SMG6: variants seen among roughly 807,000 people sequenced by gnomAD.
The protein encoded by SMG6 is SMG6 nonsense mediated mRNA decay factor.
Under a neutral mutation model 142.2 loss-of-function variants are expected in SMG6, and 66 were observed. The observed-to-expected ratio is 0.46, with a 90% CI of 0.38 to 0.57. The LOEUF is 0.57. Among genes scored for constraint, SMG6 ranks in the 20% least tolerant of loss-of-function variants. The pLI is 0.00. For missense variants in SMG6, 1,793 were observed against 1,832.0 expected, an observed-to-expected ratio of 0.98 and a Z score of 0.39; for synonymous variants, 779 against 702.4, an observed-to-expected ratio of 1.11 and a Z score of -1.72.
intron 13 of SMG6, among the ~76,000 whole-genome samples, chr17:2,131,492 G>A (rs1036747343): frequency 2.0e-5 from 3 of 152,068 alleles, no homozygotes; most frequent in Non-Finnish European, 4.4e-5. Context: ...TAGAGACTGG[G>A]TTTCACTATA....
intron 8 of SMG6, 55 bp from the exon 9 acceptor site, chr17:2,244,774 T>C: frequency 6.9e-7 from 1 of 1,458,328 alleles, no homozygotes; most frequent in Non-Finnish European, 9.6e-7. Flanking sequence ...AGTTTCCTGT[T>C]ACTGAACAGA....
chr17:2,154,252 G>A (rs1010802005), intron 13 of SMG6, among the ~76,000 whole-genome samples: 1 of 149,264 alleles, frequency 6.7e-6, no homozygotes, highest in Non-Finnish European at 1.5e-5. Context: ...TGCATCTAGA[G>A]TGTGACGGTG....
chr17:2,249,147 C>T (rs1177150152), intron 8 of SMG6, among the ~76,000 whole-genome samples: 2 of 152,060 alleles, frequency 1.3e-5, no homozygotes, highest in Non-Finnish European at 2.9e-5. Flanking sequence ...CCCGCCTTGG[C>T]CTCCCAAAGT....
At chr17:2,084,208 G>A (rs992440550) in intron 14 of SMG6, among the ~76,000 whole-genome samples, 2 of 152,264 alleles carry the variant, frequency 1.3e-5, no homozygotes, top group Non-Finnish European at 2.9e-5. Context: ...GCCTGAAAGT[G>A]CGGGTGAAAG....
chr17:2,200,541 CT>C (rs916088842), intron 10 of SMG6, among the ~76,000 whole-genome samples: 85 of 146,304 alleles, frequency 5.8e-4, no homozygotes, highest in African/African-American at 2.0e-3. Flanking sequence ...AAAAAAAAAA[CT>C]TTTTGTAGAG....
Position 2,172,792 on chromosome 17 carries a change from C to T in SMG6, c.3223G>A (p.Glu1075Lys). ...CNILTAVNQS[E>K]VPLYKDPDDD... The stretch of plus-strand genomic sequence containing the variant: ...TCCGGGTCCTTGTACAGTGGCACCT[C>T]AGACTGATTCACTGCAGTCAGTATG... The change falls in exon 13 of 19, where the codon GAG (glutamate) becomes AAG (lysine). Residue 1075 changes from glutamate to lysine, a missense_variant. Glu to Lys is a moderately conservative substitution (Grantham distance 56). This residue lies in a region of SMG6 where 1,597 missense variants were observed against 1,584.6 expected (regional missense o/e 1.01). Coordinates refer to ENST00000263073, the MANE Select transcript of SMG6 (RefSeq NM_017575.5). 1 of 1,614,156 alleles carries T rather than the reference C, an allele frequency of 6.2e-7. No homozygotes were observed. The highest frequency in any genetic ancestry group is 8.5e-7 in the Non-Finnish European group (1 of 1,180,028).
At chr17:2,227,538 G>A (rs2073352958) in intron 10 of SMG6, among the ~76,000 whole-genome samples, 1 of 152,146 alleles carries the variant, frequency 6.6e-6, no homozygotes, top group Non-Finnish European at 1.5e-5. Context: ...TCTAACATAC[G>A]GTGACAGAAA....
At chr17:2,231,342 C>G (rs2073486974) in intron 10 of SMG6, among the ~76,000 whole-genome samples, 1 of 152,178 alleles carries the variant, frequency 6.6e-6, no homozygotes, top group Non-Finnish European at 1.5e-5. Context: ...CTCTCTCCCT[C>G]TGGAGACCCA....
chr17:2,247,378 C>A (rs2151306468), intron 8 of SMG6, among the ~76,000 whole-genome samples: 1 of 152,276 alleles, frequency 6.6e-6, no homozygotes, highest in South Asian at 2.1e-4. Context: ...ACTTGGTTAT[C>A]CCTCTTCCTA....
intron 13 of SMG6, among the ~76,000 whole-genome samples, chr17:2,144,290 C>G (rs898988798): frequency 6.6e-6 from 1 of 152,074 alleles, no homozygotes; most frequent in African/African-American, 2.4e-5. Context: ...TGGTCTCAAA[C>G]TCCTGACTTC....
In SMG6 at chr17:2,086,183, TTGAG is replaced by T. The variant is rs2068556415; in HGVS notation, c.3358-286_3358-283del. Reference sequence around the variant, plus strand: ...CCAGTGACAGGTGCCTTACATTTATTTGAGTAAGGTCCTGATACAAAACAGAATA... The same window carrying T: ...CCAGTGACAGGTGCCTTACATTTATTTAAGGTCCTGATACAAAACAGAATA... On this transcript the variant is annotated intron_variant, in intron 13 of 18. Coordinates refer to ENST00000263073, the MANE Select transcript of SMG6 (RefSeq NM_017575.5). 2.0e-5 allele frequency among the ~76,000 whole-genome samples: 3 copies of T among 152,250 alleles called. No homozygotes were observed. In the South Asian group the frequency reaches 6.2e-4, roughly 32 times the overall value.
At chr17:2,170,474 TG>T (rs1465472084) in intron 13 of SMG6, among the ~76,000 whole-genome samples, 6 of 152,376 alleles carry the variant, frequency 3.9e-5, no homozygotes, top group South Asian at 4.1e-4. Context: ...AAGAAAAGTA[TG>T]GGGATCCTCT....
At chr17:2,098,566 T>C (rs1440238870) in intron 13 of SMG6, among the ~76,000 whole-genome samples, 1 of 152,210 alleles carries the variant, frequency 6.6e-6, no homozygotes, top group Non-Finnish European at 1.5e-5. Flanking sequence ...ACCTATTAAG[T>C]TCTCTTTGGA....
chr17:2,119,530 T>C (rs1405030579), intron 13 of SMG6, among the ~76,000 whole-genome samples: 1 of 152,034 alleles, frequency 6.6e-6, no homozygotes, highest in Non-Finnish European at 1.5e-5. Context: ...GACGGAGTCT[T>C]GCTCTGTTGC....
chr17:2,251,214 CAG>C (rs2074039352), intron 8 of SMG6, among the ~76,000 whole-genome samples: 1 of 150,318 alleles, frequency 6.7e-6, no homozygotes, highest in African/African-American at 2.5e-5. Flanking sequence ...TCAGTAAAGA[CAG>C]AGTTATTCAT....
intron 10 of SMG6, among the ~76,000 whole-genome samples, chr17:2,191,513 G>A (rs67771048): frequency 0.1 from 15,838 of 152,268 alleles, 909 homozygotes; most frequent in Middle Eastern, 0.12. Context: ...GGTAGCAGGA[G>A]CATGACAGGA....
At chr17:2,250,041 T>C (rs772195869) in intron 8 of SMG6, among the ~76,000 whole-genome samples, 10 of 152,222 alleles carry the variant, frequency 6.6e-5, no homozygotes, top group Non-Finnish European at 1.3e-4. Flanking sequence ...AATGAAATAA[T>C]ACAAATTAAA....
Position 2,071,040 on chromosome 17 carries a change from C to T in SMG6, c.3682-2109G>A, listed in dbSNP as rs1475416352. On this transcript the variant is annotated intron_variant, in intron 15 of 18. Transcript: ENST00000263073. The surrounding 1 kb of genome is among the most constrained non-coding windows in gnomAD (Gnocchi z 5.6). ...TGTTGCCAGGCATGCTCTCCTGGTA[C>T]CGTGGCTCTCAAATCTGTCTTTCTG... Among the ~76,000 whole-genome samples the T allele has an allele frequency of 6.6e-6, 1 of 152,208 alleles. No homozygotes were observed. Among genetic ancestry groups the T allele is most frequent in the Non-Finnish European group, 1.5e-5 (1 of 68,042 alleles).
chr17:2,062,240 A>T (rs1300293628), intron 18 of SMG6: 1 of 152,524 alleles, frequency 6.6e-6, no homozygotes, highest in Admixed American at 6.5e-5. Context: ...TAATCCATGT[A>T]TACAGGCGAA....
Sources: gnomAD v4.1 joint callset for allele counts (sites outside exome capture counted in the v4.1 genomes callset) on GRCh38, gnomAD v4.1.1 for gene constraint, gnomAD v4.1.1 regional missense constraint, Gnocchi (gnomAD v3.1) non-coding constraint, MANE v1.5 for transcripts, NCBI Gene and HGNC (gene_info 2026-07-23, HGNC 2026-07-21) for gene names.